ERICH1: variants seen among roughly 807,000 people sequenced by gnomAD.
ERICH1 encodes glutamate rich 1, also known as glutamate-rich protein 1.
In ERICH1, 56 loss-of-function variants were observed where a neutral mutation model predicts 39.6. The observed-to-expected ratio is 1.41, with a 90% CI of 1.14 to 1.77. ERICH1 has a LOEUF of 1.77. ERICH1 is among the 40% of genes most tolerant of loss of function. The probability of loss-of-function intolerance (pLI) is 0.00; values close to 1 mark genes in which losing one functional copy is unlikely to be tolerated. For synonymous variants in ERICH1, 313 were observed against 223.6 expected (o/e 1.40, Z -3.57); for missense variants, 826 against 575.4 (o/e 1.44, Z -4.45).
chr8:622,954 C>CTAAATAAATAAATAAA (rs1490314226), intron 3 of ERICH1, among the ~76,000 whole-genome samples: 1 of 60,992 alleles, frequency 1.6e-5, no homozygotes, highest in Non-Finnish European at 2.9e-5. Flanking sequence ...GAGATCCGCT[C>CTAAATAAATAAATAAA]TCAATAAATA....
intron 3 of ERICH1, among the ~76,000 whole-genome samples, chr8:682,151 T>A (rs1365023244): frequency 6.6e-6 from 1 of 152,044 alleles, no homozygotes; most frequent in African/African-American, 2.4e-5. Flanking sequence ...TAGGGTGATG[T>A]CCTGAATGAA....
intron 4 of ERICH1, among the ~76,000 whole-genome samples, chr8:670,341 T>C (rs1803017032): frequency 6.6e-6 from 1 of 152,188 alleles, no homozygotes; most frequent in African/African-American, 2.4e-5. Context: ...TCTTTTTTTC[T>C]CGTGGTTTTC....
chr8:699,826 C>G (rs1811369852), intron 2 of ERICH1, among the ~76,000 whole-genome samples: 1 of 89,794 alleles, frequency 1.1e-5, no homozygotes, highest in Non-Finnish European at 2.6e-5. Context: ...CACAAGCGCA[C>G]AGACCCGCAC....
intron 5 of ERICH1, among the ~76,000 whole-genome samples, chr8:665,757 GCCC>G (rs1802121645): frequency 6.6e-6 from 1 of 152,328 alleles, no homozygotes. Context: ...GCTGAATGCA[GCCC>G]CCATGACTGA....
intron 3 of ERICH1, among the ~76,000 whole-genome samples, chr8:636,200 C>A (rs1463390547): frequency 6.6e-6 from 1 of 152,218 alleles, no homozygotes; most frequent in Non-Finnish European, 1.5e-5. Flanking sequence ...CGAGCTGAAT[C>A]CCTGCGCCCC....
At chr8:700,492 G>A (rs1260035661) in intron 2 of ERICH1, among the ~76,000 whole-genome samples, 2 of 133,344 alleles carry the variant, frequency 1.5e-5, no homozygotes, top group South Asian at 2.4e-4. Flanking sequence ...GCACAGGCCC[G>A]CACACGCGCA....
intron 2 of ERICH1, among the ~76,000 whole-genome samples, chr8:699,812 T>C (rs368012547): frequency 0.22 from 5,385 of 24,618 alleles, 172 homozygotes; most frequent in East Asian, 0.42. Context: ...CGCGCACAGA[T>C]CCGCACAAGC....
At chr8:708,522 T>G in intron 2 of ERICH1, among the ~76,000 whole-genome samples, 1 of 152,054 alleles carries the variant, frequency 6.6e-6, no homozygotes, top group East Asian at 1.9e-4. Flanking sequence ...TTTAAAAAAT[T>G]ATGCTACATG....
intron 2 of ERICH1, among the ~76,000 whole-genome samples, chr8:693,738 G>A (rs181192506): frequency 3.3e-4 from 49 of 149,818 alleles, no homozygotes; most frequent in African/African-American, 1.2e-3. Flanking sequence ...TCCCTGCTGT[G>A]TGCCCCTCTG....
intron 2 of ERICH1, among the ~76,000 whole-genome samples, chr8:714,687 C>T (rs1435183945): frequency 6.7e-5 from 1 of 14,888 alleles, no homozygotes; most frequent in African/African-American, 2.8e-4. Context: ...TGCACCCAGG[C>T]GGCCTCTTCC....
At chr8:689,464 T>C (rs530428706) in intron 3 of ERICH1, among the ~76,000 whole-genome samples, 2 of 152,322 alleles carry the variant, frequency 1.3e-5, no homozygotes, top group East Asian at 3.9e-4. Context: ...CCTAACGGAC[T>C]GATCAATTCC....
intron 3 of ERICH1, among the ~76,000 whole-genome samples, chr8:631,660 T>C (rs1447347095): frequency 1.3e-5 from 2 of 152,174 alleles, no homozygotes; most frequent in Non-Finnish European, 2.9e-5. Flanking sequence ...ATACACAACA[T>C]AAAATTTACC....
In ERICH1 at chr8:673,776, G is replaced by T. The variant is rs770224976; in HGVS notation, c.576C>A (p.Pro192=). The change falls in exon 4 of 6, where the codon CCC becomes CCA. Residue 192 remains proline (P), a synonymous_variant. Transcript: ENST00000262109. ...KAAGVSFMYQ[P]EDSSNEGEGV... ...CTTCCCCTTCATTGCTGCTGTCCTC[G>T]GGCTGGTACATGAAACTGACACCAG... 1.2e-6 allele frequency: 2 copies of T among 1,614,024 alleles called. No homozygotes were observed. The highest frequency in any genetic ancestry group is 1.3e-5 in the African/African-American group (1 of 74,928).
chr8:697,970 G>A (rs1810743626), intron 2 of ERICH1, among the ~76,000 whole-genome samples: 3 of 152,224 alleles, frequency 2.0e-5, no homozygotes, highest in South Asian at 4.1e-4. Flanking sequence ...AAATCCCTGC[G>A]TCTGGGGCTG....
At chr8:718,877 C>G (rs1029571752) in intron 1 of ERICH1, among the ~76,000 whole-genome samples, 3 of 152,186 alleles carry the variant, frequency 2.0e-5, no homozygotes, top group African/African-American at 7.2e-5. Flanking sequence ...GTTCCCAGAA[C>G]CATGCAGACC....
intron 2 of ERICH1, among the ~76,000 whole-genome samples, chr8:698,022 T>C (rs1810760289): frequency 6.6e-6 from 1 of 152,144 alleles, no homozygotes; most frequent in Admixed American, 6.5e-5. Context: ...GGCGTGTACC[T>C]GTGACATGGA....
chr8:643,861 T>C (rs1354824882), intron 3 of ERICH1, among the ~76,000 whole-genome samples: 1 of 152,234 alleles, frequency 6.6e-6, no homozygotes, highest in Admixed American at 6.5e-5. Flanking sequence ...GATGCTAAAC[T>C]CAAATGATAA....
At position 680,848 on chromosome 8, in the gene ERICH1, G is replaced by A. The variant is rs77583290; in HGVS notation, c.305-6801C>T. 3.2e-3 allele frequency among the ~76,000 whole-genome samples: 483 copies of A among 152,354 alleles called. 4 individuals are homozygous for A. Among genetic ancestry groups the A allele is most frequent in the African/African-American group, 0.011 (454 of 41,574 alleles). ...GCTGCCCCAGTTCCACACACCACCTGGCCCCACTTCTGTGAGTCCTGGGGT... is the reference window on the plus strand; with the variant it reads ...GCTGCCCCAGTTCCACACACCACCTAGCCCCACTTCTGTGAGTCCTGGGGT... On this transcript the variant is annotated intron_variant, in intron 3 of 5. Coordinates refer to ENST00000262109, the MANE Select transcript of ERICH1 (RefSeq NM_207332.3).
intron 1 of ERICH1, among the ~76,000 whole-genome samples, chr8:720,051 C>T (rs182315160): frequency 2.6e-5 from 4 of 152,264 alleles, no homozygotes; most frequent in Admixed American, 6.5e-5. Flanking sequence ...GAAAGCAGAA[C>T]GCGGCCCTAG....
Sources: allele counts gnomAD v4.1 joint callset (sites outside exome capture counted in the v4.1 genomes callset), GRCh38; gene constraint gnomAD v4.1.1; transcripts MANE v1.5; gene names NCBI Gene and HGNC (gene_info 2026-07-23, HGNC 2026-07-21).